MX1: variants seen among roughly 807,000 people sequenced by gnomAD.
MX1 encodes the protein interferon-induced GTP-binding protein Mx1.
A neutral mutation model predicts 66.4 loss-of-function variants in MX1; 66 were observed. The observed-to-expected ratio is 0.99, with a 90% CI of 0.82 to 1.22. The LOEUF (loss-of-function observed/expected upper bound fraction) is 1.22. Ranked by LOEUF, MX1 falls within the 50% of genes most tolerant of loss-of-function variation. The pLI is 0.00. For missense variants in MX1, 787 were observed against 834.3 expected, an observed-to-expected ratio of 0.94 and a Z score of 0.70; for synonymous variants, 311 against 318.1, an observed-to-expected ratio of 0.98 and a Z score of 0.24.
chr21:41,450,414 C>T (rs1304772096), intron 14 of MX1, among the ~76,000 whole-genome samples: 2 of 152,188 alleles, frequency 1.3e-5, no homozygotes, highest in African/African-American at 2.4e-5. Flanking sequence ...AATTAATAAT[C>T]ACTCATGGAT....
exon 1 of MX1, chr21:41,420,749 G>C (rs1277988673): frequency 6.6e-6 from 1 of 152,314 alleles, no homozygotes; most frequent in African/African-American, 2.4e-5. Context: ...GCGGCACCCA[G>C]CGTGGGCCTG....
At chr21:41,447,818 C>T (rs2090707148) in intron 13 of MX1, among the ~76,000 whole-genome samples, 1 of 152,152 alleles carries the variant, frequency 6.6e-6, no homozygotes, top group African/African-American at 2.4e-5. Flanking sequence ...TCACTGCACC[C>T]TCTGCCTCCC....
At chr21:41,455,242 A>C (rs1178737580) in intron 16 of MX1, among the ~76,000 whole-genome samples, 1 of 152,162 alleles carries the variant, frequency 6.6e-6, no homozygotes, top group African/African-American at 2.4e-5. Context: ...AGGGGTCACC[A>C]TACTACTGGA....
chr21:41,445,489 C>G lies in MX1; in HGVS notation c.1050C>G (p.His350Gln). 6.2e-7 allele frequency: 1 copy of G among 1,614,056 alleles called. No homozygotes were observed. The highest frequency in any genetic ancestry group is 1.1e-5 in the South Asian group (1 of 91,084). Reference protein sequence around the residue: ...PLLENQIKETHQRITEELQKY... With the variant: ...PLLENQIKETQQRITEELQKY... Reference sequence around the variant, plus strand: ...TAGAAAATCAAATCAAGGAGACTCACCAGAGAATAACAGAGGAGCTACAAA... The same window carrying G: ...TAGAAAATCAAATCAAGGAGACTCAGCAGAGAATAACAGAGGAGCTACAAA... Residue 350 changes from histidine (H) to glutamine (Q), a missense_variant, in exon 12 of 17, where the codon CAC (histidine) becomes CAG (glutamine). Physicochemically the swap from His to Gln is conservative, Grantham distance 24. Transcript: ENST00000398598.
upstream of MX1, among the ~76,000 whole-genome samples, chr21:41,423,540 T>C (rs2090014411): frequency 6.6e-6 from 1 of 152,190 alleles, no homozygotes; most frequent in Non-Finnish European, 1.5e-5. Context: ...TACTACCTGA[T>C]TGGTCGGGTG....
chr21:41,441,638 C>G lies in MX1; in HGVS notation c.731-78C>G. The stretch of plus-strand genomic sequence containing the variant: ...AGGATGGGAGGAAACCCTGGGAGGC[C>G]GGGGGCGTGAGCAGTTGTTCGTTCA... On this transcript the variant is annotated intron_variant, in intron 9 of 16. Transcript: ENST00000398598. The surrounding 1 kb of genome is among the most constrained non-coding windows in gnomAD (Gnocchi z 4.0). 1 of 1,472,784 alleles carries G rather than the reference C, an allele frequency of 6.8e-7. No homozygotes were observed. Among genetic ancestry groups the G allele is most frequent in the Non-Finnish European group, 9.5e-7 (1 of 1,054,386 alleles). The allele number at this position is 1,472,784 out of a possible 1,614,324, so 91.2% of individuals were successfully genotyped here. A position where few individuals can be genotyped will look rare whatever the true frequency, so the allele number is the denominator to read the frequency against.
At chr21:41,434,443 T>C (rs1042449328) in intron 5 of MX1, among the ~76,000 whole-genome samples, 4 of 152,264 alleles carry the variant, frequency 2.6e-5, no homozygotes, top group Non-Finnish European at 2.9e-5. Flanking sequence ...TTCTATTTAA[T>C]GTGACTGGTA....
rs1276721684 is a variant in MX1, at chr21:41,441,945, G to T, written c.929+31G>T. On this transcript the variant is annotated intron_variant, in intron 10 of 16. Coordinates refer to ENST00000398598, the MANE Select transcript of MX1 (RefSeq NM_002462.5). The surrounding 1 kb of genome is among the most constrained non-coding windows in gnomAD (Gnocchi z 4.0). ...CTTGCCTGGGTTTCATCATGGATCA[G>T]TCCAAGCCCAGGATGTCAGGCCTTC... 6.2e-7 allele frequency: 1 copy of T among 1,612,306 alleles called. No individual in the cohort carries two copies. The highest frequency in any genetic ancestry group is 8.5e-7 in the Non-Finnish European group (1 of 1,178,534).
chr21:41,429,092 G>A (rs900935276), intron 3 of MX1: 2 of 152,300 alleles, frequency 1.3e-5, no homozygotes, highest in Non-Finnish European at 2.9e-5. Context: ...GGAGCAATTT[G>A]GGATGGAGAG....
chr21:41,458,728 T>C lies in MX1; in HGVS notation c.1959T>C (p.Ala653=). 1.2e-6 allele frequency: 2 copies of C among 1,613,466 alleles called. No individual in the cohort carries two copies. The highest frequency in any genetic ancestry group is 2.2e-5 in the South Asian group (2 of 91,078). The change falls in exon 17 of 17, where the codon GCT becomes GCC. Residue 653 remains alanine (A), a synonymous_variant. Transcript: ENST00000398598. ...AGCGGCTTGCACGGCTGACGCAGGC[T>C]CGGCGCCGGCTTGCCCAGTTCCCCG... ...LKERLARLTQ[A]RRRLAQFPG
At chr21:41,442,927 A>C (rs1355627002) in intron 10 of MX1, among the ~76,000 whole-genome samples, 2 of 152,224 alleles carry the variant, frequency 1.3e-5, no homozygotes, top group Admixed American at 6.5e-5. Flanking sequence ...AGAGACAGAA[A>C]GAATGATGGG....
intron 14 of MX1, 173 bp downstream of exon 14, chr21:41,449,468 A>G (rs1438736446): frequency 3.3e-6 from 2 of 605,626 alleles, no homozygotes; most frequent in African/African-American, 3.8e-5. Context: ...CAATTCTGAC[A>G]CTAACTACCC....
chr21:41,439,614 T>A, intron 7 of MX1, 80 bp from the exon 8 acceptor site: 1 of 1,354,384 alleles, frequency 7.4e-7, no homozygotes, highest in Admixed American at 1.8e-5. Flanking sequence ...GAGGAGAAGA[T>A]GCTTTCAGAG....
At chr21:41,453,535 C>T (rs1391732788) in intron 16 of MX1, among the ~76,000 whole-genome samples, 1 of 152,002 alleles carries the variant, frequency 6.6e-6, no homozygotes, top group Non-Finnish European at 1.5e-5. Context: ...TTCCAGGAGA[C>T]GAGTGTGGAT....
In MX1 at chr21:41,449,177, T is replaced by C. The variant is rs754390261; in HGVS notation, c.1314T>C (p.Asn438=). ...GTAGAAAAATCCAGAAATTTGAAAA[T>C]CAGTATCGTGGTAGAGAGCTGCCAG... ...ILSRKIQKFE[N]QYRGRELPGF... Residue 438 remains asparagine, a synonymous_variant, in exon 14 of 17, where the codon AAT becomes AAC. Transcript: ENST00000398598. 3.7e-6 allele frequency: 6 copies of C among 1,612,666 alleles called. No homozygotes were observed. In the East Asian group the frequency reaches 1.1e-4, roughly 30 times the overall value.
chr21:41,435,664 C>T (rs1014626259), intron 5 of MX1, among the ~76,000 whole-genome samples, 173 bp from the exon 6 acceptor site: 28 of 152,176 alleles, frequency 1.8e-4, no homozygotes, highest in Non-Finnish European at 1.5e-5. Context: ...ATGAGAACAG[C>T]ATGGGGGAAA....
intron 7 of MX1, 103 bp from the exon 8 acceptor site, chr21:41,439,591 C>T: frequency 9.1e-7 from 1 of 1,099,576 alleles, no homozygotes; most frequent in South Asian, 1.4e-5. Context: ...TGCTTTTATC[C>T]ATGACTCGCA....
chr21:41,451,119 G>C (rs1419863259), intron 14 of MX1, 48 bp from the exon 15 acceptor site: 1 of 1,311,892 alleles, frequency 7.6e-7, no homozygotes, highest in Non-Finnish European at 1.1e-6. Context: ...CTTAAGAAGA[G>C]AACAAATGAT....
intron 10 of MX1, among the ~76,000 whole-genome samples, chr21:41,442,420 A>C (rs1044868496): frequency 6.6e-6 from 1 of 152,174 alleles, no homozygotes; most frequent in African/African-American, 2.4e-5. Flanking sequence ...AAAATAGTTA[A>C]AGTTTAAAGT....
Sources: allele counts gnomAD v4.1 joint callset (sites outside exome capture counted in the v4.1 genomes callset), GRCh38; gene constraint gnomAD v4.1.1; non-coding constraint Gnocchi (gnomAD v3.1); transcripts MANE v1.5; gene names NCBI Gene and HGNC (gene_info 2026-07-23, HGNC 2026-07-21).